AQR: variants seen among roughly 807,000 people sequenced by gnomAD.
AQR encodes aquarius intron-binding spliceosomal factor.
Under a neutral mutation model 180.5 loss-of-function variants are expected in AQR, and 61 were observed. The ratio of observed to expected loss-of-function variants is 0.34; its 90% CI spans 0.28 to 0.42. The LOEUF (loss-of-function observed/expected upper bound fraction) is 0.42, where lower values mean the gene tolerates loss of function less well. AQR is among the 10% of genes least tolerant of loss of function. AQR has a pLI of 1.00. For missense variants in AQR, 1,281 were observed against 1,798.3 expected, an observed-to-expected ratio of 0.71 and a Z score of 5.20; for synonymous variants, 551 against 588.8, an observed-to-expected ratio of 0.94 and a Z score of 0.93.
At chr15:34,903,059 T>C (rs1046033429) in intron 19 of AQR, among the ~76,000 whole-genome samples, 3 of 152,140 alleles carry the variant, frequency 2.0e-5, no homozygotes, top group Non-Finnish European at 4.4e-5. Flanking sequence ...CAGGGAAGGC[T>C]TCTCTTAGGA....
Position 34,897,073 on chromosome 15 carries a change from C to T in AQR, c.2391-107G>A, listed in dbSNP as rs911259619. The T allele has an allele frequency of 1.1e-5, 9 of 807,264 alleles. No individual in the cohort carries two copies. In the Admixed American group the frequency reaches 2.3e-4, roughly 21 times the overall value. 50.0% of individuals were successfully genotyped at this position (807,264 alleles called of 1,614,324 possible). On this transcript the variant is annotated intron_variant, in intron 21 of 34. Coordinates refer to ENST00000156471, the MANE Select transcript of AQR (RefSeq NM_014691.3). The stretch of plus-strand genomic sequence containing the variant: ...TCTAAATATCTGCTCTGTATTTACC[C>T]CAGTTCTCTCAATCTCTTCTGAATG...
chr15:34,926,323 T>C (rs571382127), intron 13 of AQR, among the ~76,000 whole-genome samples: 1 of 152,330 alleles, frequency 6.6e-6, no homozygotes, highest in Non-Finnish European at 1.5e-5. Flanking sequence ...CTCAGTTTAT[T>C]ACATTTTAAA....
intron 2 of AQR, among the ~76,000 whole-genome samples, chr15:34,963,717 G>A (rs1023747945): frequency 6.7e-6 from 1 of 149,848 alleles, no homozygotes; most frequent in African/African-American, 2.5e-5. Context: ...AGGCTGGAGT[G>A]CAGTGGTGCG....
chr15:34,949,210 T>G (rs1425503655), intron 4 of AQR, among the ~76,000 whole-genome samples: 1 of 151,258 alleles, frequency 6.6e-6, no homozygotes, highest in Admixed American at 6.6e-5. Context: ...GTCAGGCTGG[T>G]CTTGAACTCC....
chr15:34,964,783 A>G (rs1223410342), intron 1 of AQR, among the ~76,000 whole-genome samples: 1 of 151,460 alleles, frequency 6.6e-6, no homozygotes, highest in Non-Finnish European at 1.5e-5. Flanking sequence ...ATTGTAGTCT[A>G]TCGGCTGCTT....
chr15:34,863,915 T>A (rs1264291319), intron 32 of AQR, among the ~76,000 whole-genome samples: 2 of 152,192 alleles, frequency 1.3e-5, no homozygotes. Context: ...GAGATGTTTT[T>A]AGATGGCTAT....
intron 26 of AQR, among the ~76,000 whole-genome samples, chr15:34,883,080 T>A (rs1688003585): frequency 6.6e-6 from 1 of 151,958 alleles, no homozygotes; most frequent in African/African-American, 2.4e-5. Flanking sequence ...CTAGAAAGAA[T>A]AAAGGTAGGA....
At chr15:34,961,612 CAAAAAAA>C (rs1178777471) in intron 2 of AQR, among the ~76,000 whole-genome samples, 7 of 26,862 alleles carry the variant, frequency 2.6e-4, no homozygotes, top group Non-Finnish European at 4.7e-4. Flanking sequence ...GACTCCATCT[CAAAAAAA>C]AAAAAAAAAA....
rs867489711 is a variant in AQR, at chr15:34,900,749, G to A, written c.2116C>T (p.Pro706Ser). 6.2e-7 allele frequency: 1 copy of A among 1,614,124 alleles called. No homozygotes were observed. The highest frequency in any genetic ancestry group is 2.2e-5 in the East Asian group (1 of 44,876). Residue 706 changes from proline (P) to serine (S), a missense_variant, in exon 20 of 35, where the codon CCC becomes TCC. Transcript: ENST00000156471. Reference sequence around the variant, plus strand: ...AAATCAAGGGTGGCAATCTGATTGGGCATTTTCGAATAATGTGCACTACTT... The same window carrying A: ...AAATCAAGGGTGGCAATCTGATTGGACATTTTCGAATAATGTGCACTACTT... ...DPSSAHYSKM[P>S]NQIATLDFND...
At chr15:34,858,108 C>T (rs954672373) in intron 34 of AQR, among the ~76,000 whole-genome samples, 9 of 151,984 alleles carry the variant, frequency 5.9e-5, no homozygotes, top group African/African-American at 2.2e-4. Flanking sequence ...CTCAGCCTCC[C>T]AAGTAGCTGG....
At chr15:34,953,361 C>T (rs185684462) in intron 3 of AQR, among the ~76,000 whole-genome samples, 1 of 152,128 alleles carries the variant, frequency 6.6e-6, no homozygotes, top group Admixed American at 6.5e-5. Flanking sequence ...TTACGCTGTC[C>T]CGAAGCAGAC....
In AQR at chr15:34,910,187, T is replaced by C. The variant is rs1396196132; in HGVS notation, c.1611A>G (p.Ala537=). The C allele has an allele frequency of 6.2e-7, 1 of 1,614,258 alleles. No homozygotes were observed. The highest frequency in any genetic ancestry group is 1.7e-5 in the Admixed American group (1 of 60,028). The change falls in exon 17 of 35, where the codon GCA becomes GCG. Residue 537 remains alanine (A), a synonymous_variant. Coordinates refer to ENST00000156471, the MANE Select transcript of AQR (RefSeq NM_014691.3). ...IGENWPTRVR[A]DVTINLNVRD... is the part of the protein sequence containing the mutation. ...TGACATTGAGATTTATGGTAACATC[T>C]GCACGAACTCGGGTTGGCCAGTTTT...
intron 13 of AQR, among the ~76,000 whole-genome samples, chr15:34,920,871 T>C (rs1893673532): frequency 6.6e-6 from 1 of 151,736 alleles, no homozygotes. Context: ...GGCAGGAAAA[T>C]GGCGTGAACC....
intron 27 of AQR, among the ~76,000 whole-genome samples, chr15:34,879,416 T>C (rs947203787): frequency 1.3e-5 from 2 of 152,176 alleles, no homozygotes; most frequent in Non-Finnish European, 2.9e-5. Context: ...ACACATGCCA[T>C]CCAAGAGGTA....
At position 34,858,086 on chromosome 15, in the gene AQR, C is replaced by T. The variant is rs551214629; in HGVS notation, c.4144-980G>A. On this transcript the variant is annotated intron_variant, in intron 34 of 34. Coordinates refer to ENST00000156471, the MANE Select transcript of AQR (RefSeq NM_014691.3). ...GCAACCTCCGTCTCCCAGGTTCAAGCGATTCTCCTGCCTCAGCCTCCCAAG... is the reference window on the plus strand; with the variant it reads ...GCAACCTCCGTCTCCCAGGTTCAAGTGATTCTCCTGCCTCAGCCTCCCAAG... Among the ~76,000 whole-genome samples, 8 of 152,088 alleles carry T rather than the reference C, an allele frequency of 5.3e-5. No homozygotes were observed. The South Asian group carries it at 6.2e-4, about 12-fold the overall frequency.
chr15:34,927,001 A>G, intron 13 of AQR, 34 bp downstream of exon 13: 1 of 1,344,814 alleles, frequency 7.4e-7, no homozygotes, highest in South Asian at 1.4e-5. Flanking sequence ...GCATGATACA[A>G]AAAAAGAATA....
At chr15:34,952,071 C>A (rs1244435335) in intron 4 of AQR, among the ~76,000 whole-genome samples, 2 of 152,172 alleles carry the variant, frequency 1.3e-5, no homozygotes, top group Non-Finnish European at 2.9e-5. Context: ...TACTTCATGT[C>A]ATTTTTTTTG....
At chr15:34,930,961 G>A (rs930476182) in intron 11 of AQR, among the ~76,000 whole-genome samples, 2 of 151,194 alleles carry the variant, frequency 1.3e-5, no homozygotes, top group Admixed American at 6.6e-5. Context: ...CTCAGCCTCC[G>A]GAGTAGCTGG....
intron 4 of AQR, among the ~76,000 whole-genome samples, chr15:34,952,360 G>A (rs1894247438): frequency 6.6e-6 from 1 of 152,212 alleles, no homozygotes; most frequent in South Asian, 2.1e-4. Flanking sequence ...CACAAAACTG[G>A]TGTTCTGTTT....
Sources: allele counts gnomAD v4.1 joint callset (sites outside exome capture counted in the v4.1 genomes callset), GRCh38; gene constraint gnomAD v4.1.1; transcripts MANE v1.5; gene names NCBI Gene and HGNC (gene_info 2026-07-23, HGNC 2026-07-21).